Variants in SLC8A1 observed in about 807,000 individuals in gnomAD.
SLC8A1 encodes the protein solute carrier family 8 member A1.
In SLC8A1, 18 loss-of-function variants were observed where a neutral mutation model predicts 68.3. The observed-to-expected ratio is 0.26, with a 90% CI of 0.18 to 0.39. The LOEUF (loss-of-function observed/expected upper bound fraction) is 0.39. Among genes scored for constraint, SLC8A1 ranks in the 10% least tolerant of loss-of-function variants. The pLI, the probability that SLC8A1 is intolerant of heterozygous loss-of-function variation, is 1.00. For missense variants in SLC8A1, 985 were observed against 1,156.7 expected (o/e 0.85, Z 2.15); for synonymous variants, 475 against 415.5 (o/e 1.14, Z -1.74).
At chr2:40,104,830 C>G (rs116446386) in exon 8 of SLC8A1, 2 of 152,040 alleles carry the variant, frequency 1.3e-5, no homozygotes, top group African/African-American at 4.8e-5. Context: ...AGCCTATGAT[C>G]CTGGAAAACA....
chr2:40,365,449 A>G (rs1293238402), intron 2 of SLC8A1, among the ~76,000 whole-genome samples: 1 of 152,138 alleles, frequency 6.6e-6, no homozygotes, highest in East Asian at 1.9e-4. Flanking sequence ...ATAACAGAGA[A>G]ATAATTAACT....
chr2:40,322,860 C>G (rs201752547), intron 2 of SLC8A1, among the ~76,000 whole-genome samples: 3 of 151,272 alleles, frequency 2.0e-5, no homozygotes, highest in Non-Finnish European at 4.4e-5. Flanking sequence ...ACCACACACA[C>G]CCCACACACA....
At chr2:40,333,071 T>G (rs1435631276) in intron 2 of SLC8A1, among the ~76,000 whole-genome samples, 1 of 152,200 alleles carries the variant, frequency 6.6e-6, no homozygotes, top group Non-Finnish European at 1.5e-5. Flanking sequence ...CCAACTGGAT[T>G]AAAAATTGAT....
chr2:40,244,507 G>A (rs1195623628), intron 2 of SLC8A1, among the ~76,000 whole-genome samples: 1 of 148,656 alleles, frequency 6.7e-6, no homozygotes, highest in Admixed American at 6.8e-5. Flanking sequence ...GGCAGTTGCT[G>A]TGAGAGAATG....
intron 2 of SLC8A1, among the ~76,000 whole-genome samples, chr2:40,258,262 T>G (rs1351432036): frequency 6.6e-6 from 1 of 152,200 alleles, no homozygotes; most frequent in Non-Finnish European, 1.5e-5. Flanking sequence ...CTTCATTAAG[T>G]GAGCATGTCT....
rs559284438 is a variant in SLC8A1 at position 40,333,925 on chromosome 2, G to C, written c.1808+94548C>G. ...TAGCCGGACATGGTGGTGCACACCTGTAATCTCAGCTACTTGGGAGGCTGA... is the reference window on the plus strand; with the variant it reads ...TAGCCGGACATGGTGGTGCACACCTCTAATCTCAGCTACTTGGGAGGCTGA... On this transcript the variant is annotated intron_variant, in intron 2 of 7. Transcript: ENST00000406785. Among the ~76,000 whole-genome samples the C allele has an allele frequency of 7.2e-4, 109 of 152,224 alleles. No homozygotes were observed. In the Middle Eastern group the frequency reaches 0.02, roughly 29 times the overall value.
intron 1 of SLC8A1, among the ~76,000 whole-genome samples, chr2:40,490,854 T>C (rs1705268109): frequency 6.6e-6 from 1 of 152,112 alleles, no homozygotes; most frequent in Non-Finnish European, 1.5e-5. Context: ...ATGCTGATTA[T>C]ATTATAGAGA....
intron 1 of SLC8A1, among the ~76,000 whole-genome samples, chr2:40,465,154 G>C (rs1389849689): frequency 6.6e-6 from 1 of 152,148 alleles, no homozygotes; most frequent in Non-Finnish European, 1.5e-5. Flanking sequence ...TGGTTGTCAT[G>C]ATAATACGAA....
In SLC8A1 at chr2:40,266,616, A is replaced by C. The variant is rs539978070; in HGVS notation, c.1809-88761T>G. 3.3e-5 allele frequency among the ~76,000 whole-genome samples: 5 copies of C among 152,256 alleles called. No homozygotes were observed. In the South Asian group the frequency reaches 6.2e-4, roughly 19 times the overall value. ...TTTTCTAGGACAGATTTTCCCAAGG[A>C]AACAGTTAAGAGAGCCAGACTAGTC... On this transcript the variant is annotated intron_variant, in intron 2 of 7. Transcript: ENST00000406785.
chr2:40,383,046 T>G (rs1478089845), intron 2 of SLC8A1, among the ~76,000 whole-genome samples: 1 of 152,120 alleles, frequency 6.6e-6, no homozygotes, highest in Non-Finnish European at 1.5e-5. Flanking sequence ...GCAAATTAGG[T>G]ACCCAATGAT....
At chr2:40,309,585 T>C (rs1222776542) in intron 2 of SLC8A1, among the ~76,000 whole-genome samples, 1 of 145,832 alleles carries the variant, frequency 6.9e-6, no homozygotes, top group Non-Finnish European at 1.5e-5. Flanking sequence ...TGGCTGACCA[T>C]AATTTCTGCT....
chr2:40,235,853 A>G (rs1367773149), intron 2 of SLC8A1, among the ~76,000 whole-genome samples: 3 of 150,598 alleles, frequency 2.0e-5, no homozygotes, highest in African/African-American at 4.9e-5. Flanking sequence ...TCATTTCGTT[A>G]TGTACCCAGT....
exon 8 of SLC8A1, chr2:40,108,413 T>C (rs1483063420): frequency 7.9e-5 from 12 of 152,192 alleles, no homozygotes; most frequent in Admixed American, 3.9e-4. Context: ...TTAAATATAA[T>C]AACTTGCAAA....
intron 2 of SLC8A1, among the ~76,000 whole-genome samples, chr2:40,377,286 C>A (rs1218870804): frequency 2.0e-5 from 3 of 152,036 alleles, no homozygotes; most frequent in African/African-American, 7.2e-5. Context: ...TGAATTTTGC[C>A]AAAAACCACA....
intron 7 of SLC8A1, among the ~76,000 whole-genome samples, chr2:40,119,609 G>A (rs997381343): frequency 1.3e-5 from 2 of 152,120 alleles, no homozygotes; most frequent in African/African-American, 2.4e-5. Flanking sequence ...TACTGCCTTG[G>A]GTTTGAAGGG....
intron 2 of SLC8A1, among the ~76,000 whole-genome samples, chr2:40,295,109 T>TA (rs1239480728): frequency 1.3e-4 from 19 of 148,562 alleles, no homozygotes; most frequent in African/African-American, 4.2e-4. Context: ...ATTATTATTT[T>TA]TTTTTTTTGA....
intron 1 of SLC8A1, among the ~76,000 whole-genome samples, chr2:40,443,590 T>C (rs1333089320): frequency 3.3e-5 from 5 of 152,180 alleles, no homozygotes. Flanking sequence ...TACAAGACTT[T>C]TTCTCTCTGA....
At chr2:40,267,116 C>G (rs2065452115) in intron 2 of SLC8A1, among the ~76,000 whole-genome samples, 1 of 152,116 alleles carries the variant, frequency 6.6e-6, no homozygotes, top group Non-Finnish European at 1.5e-5. Context: ...TAAAAGAGGG[C>G]TGGTACCACA....
At chr2:40,154,707 G>A (rs1472264775) in intron 6 of SLC8A1, among the ~76,000 whole-genome samples, 4 of 151,960 alleles carry the variant, frequency 2.6e-5, no homozygotes, top group African/African-American at 9.7e-5. Flanking sequence ...TTACTCTGTA[G>A]CCTAGGCAGT....
Sources: allele counts gnomAD v4.1 joint callset (sites outside exome capture counted in the v4.1 genomes callset), GRCh38; gene constraint gnomAD v4.1.1; transcripts MANE v1.5; gene names NCBI Gene and HGNC (gene_info 2026-07-23, HGNC 2026-07-21).